Variants in XKR6 observed in about 807,000 individuals in gnomAD.
XKR6 encodes XK-related protein 6.
XKR6 carries 22 observed loss-of-function variants against 56.7 expected under a neutral mutation model. That is an observed-to-expected ratio of 0.39 (90% CI 0.28 to 0.55). The LOEUF (loss-of-function observed/expected upper bound fraction) is 0.55. Ranked by LOEUF, XKR6 falls within the 20% of genes least tolerant of loss-of-function variation. The pLI, the probability that XKR6 is intolerant of heterozygous loss-of-function variation, is 0.66. For synonymous variants in XKR6, 524 were observed against 387.8 expected, an observed-to-expected ratio of 1.35 and a Z score of -4.13; for missense variants, 852 against 889.0, an observed-to-expected ratio of 0.96 and a Z score of 0.53.
At chr8:10,907,417 C>T (rs2129108917) in intron 2 of XKR6, among the ~76,000 whole-genome samples, 1 of 152,316 alleles carries the variant, frequency 6.6e-6, no homozygotes, top group South Asian at 2.1e-4. Flanking sequence ...GATATCTTCC[C>T]TCTACTGAAC....
chr8:11,172,760 G>T (rs903004207), intron 1 of XKR6, among the ~76,000 whole-genome samples: 1 of 152,044 alleles, frequency 6.6e-6, no homozygotes, highest in Non-Finnish European at 1.5e-5. Context: ...GTTTTCTCCA[G>T]ATATGTCTGC....
rs113216069 is a variant in XKR6 at position 10,897,973 on chromosome 8, T to C, written c.1905A>G (p.Leu635=). ...GCTCTTAGAGTGAAGACTCATACTGTAGCAACTCATAGAGGAGTGGTCCGT... is the reference window on the plus strand; with the variant it reads ...GCTCTTAGAGTGAAGACTCATACTGCAGCAACTCATAGAGGAGTGGTCCGT... The part of the protein sequence containing the change: ...YRDGPLLYEL[L]QYESSL The change falls in exon 3 of 3, where the codon CTA becomes CTG. Residue 635 remains leucine, a synonymous_variant. Coordinates refer to ENST00000416569, the MANE Select transcript of XKR6 (RefSeq NM_173683.4). 2.4e-5 allele frequency: 39 copies of C among 1,594,230 alleles called. No homozygotes were observed. The African/African-American group carries it at 2.6e-4, about 11-fold the overall frequency.
rs575648763 is a variant in XKR6, at chr8:10,995,667, G to A, written c.765-70837C>T. Among the ~76,000 whole-genome samples, 4 of 142,854 alleles carry A rather than the reference G, an allele frequency of 2.8e-5. No homozygotes were observed. The South Asian group carries it at 6.7e-4, about 24-fold the overall frequency. The allele number at this position is 142,854 out of a possible 152,430, so 93.7% of individuals were successfully genotyped here. On this transcript the variant is annotated intron_variant, in intron 1 of 2. Coordinates refer to ENST00000416569, the MANE Select transcript of XKR6 (RefSeq NM_173683.4). ...CATGCCACTGCACTCCAGTCTGGGT[G>A]ACAGAGTGAGACCCTATCTCCCCAC...
At chr8:11,018,316 A>G (rs915528360) in intron 1 of XKR6, among the ~76,000 whole-genome samples, 7 of 152,192 alleles carry the variant, frequency 4.6e-5, no homozygotes, top group African/African-American at 1.7e-4. Context: ...TGGAGGTCTA[A>G]ATTGCTCCTG....
chr8:11,193,919 T>A (rs1366101458), intron 1 of XKR6, among the ~76,000 whole-genome samples: 1 of 152,146 alleles, frequency 6.6e-6, no homozygotes, highest in Non-Finnish European at 1.5e-5. Context: ...AATTGCAAAT[T>A]CACAAAATTA....
chr8:10,963,697 A>T (rs1405952398), intron 1 of XKR6, among the ~76,000 whole-genome samples: 2 of 151,688 alleles, frequency 1.3e-5, no homozygotes, highest in African/African-American at 4.8e-5. Flanking sequence ...GGTAAATGCC[A>T]TCATGCCTGG....
chr8:11,177,893 C>T (rs1227600126), intron 1 of XKR6, among the ~76,000 whole-genome samples: 1 of 152,184 alleles, frequency 6.6e-6, no homozygotes, highest in Non-Finnish European at 1.5e-5. Context: ...ATGGTAGTCC[C>T]AGGAGAAAAC....
chr8:11,166,444 C>T (rs1178490136), intron 1 of XKR6, among the ~76,000 whole-genome samples: 1 of 152,142 alleles, frequency 6.6e-6, no homozygotes, highest in Non-Finnish European at 1.5e-5. Flanking sequence ...AGGGCCGTTG[C>T]TTATAGACAA....
At chr8:11,057,566 T>C (rs1043741946) in intron 1 of XKR6, among the ~76,000 whole-genome samples, 4 of 152,214 alleles carry the variant, frequency 2.6e-5, no homozygotes, top group South Asian at 2.1e-4. Flanking sequence ...ATGTGAGGCA[T>C]TCCCATGAGT....
At chr8:11,061,405 T>C (rs1365005268) in intron 1 of XKR6, among the ~76,000 whole-genome samples, 2 of 151,628 alleles carry the variant, frequency 1.3e-5, no homozygotes, top group Non-Finnish European at 2.9e-5. Context: ...AGGCTGAGGA[T>C]GCAGTGAGTT....
chr8:11,016,515 C>G (rs1349476815), intron 1 of XKR6, among the ~76,000 whole-genome samples: 1 of 152,218 alleles, frequency 6.6e-6, no homozygotes. Flanking sequence ...GCGCCTTCGC[C>G]CACGCCTTCC....
chr8:11,001,230 A>C (rs1388782141), intron 1 of XKR6, among the ~76,000 whole-genome samples: 1 of 152,234 alleles, frequency 6.6e-6, no homozygotes, highest in Non-Finnish European at 1.5e-5. Flanking sequence ...ATGGAGAAAC[A>C]GAGGCTCAGA....
At chr8:11,031,262 G>C (rs1361307756) in intron 1 of XKR6, among the ~76,000 whole-genome samples, 1 of 152,248 alleles carries the variant, frequency 6.6e-6, no homozygotes, top group Non-Finnish European at 1.5e-5. Flanking sequence ...GAGAGCATGA[G>C]GGATATTTTA....
chr8:11,097,275 C>G (rs117216896), intron 1 of XKR6, among the ~76,000 whole-genome samples: 3 of 152,106 alleles, frequency 2.0e-5, no homozygotes, highest in African/African-American at 7.2e-5. Flanking sequence ...ATGTCATTTT[C>G]GTCACACCCT....
intron 1 of XKR6, among the ~76,000 whole-genome samples, chr8:11,110,337 TAAAAC>T (rs1798841743): frequency 1.3e-5 from 2 of 152,154 alleles, no homozygotes; most frequent in South Asian, 2.1e-4. Flanking sequence ...CAATTTCTCT[TAAAAC>T]AAGCAAAGCA....
chr8:11,076,385 A>G (rs1486127453), intron 1 of XKR6, among the ~76,000 whole-genome samples: 1 of 152,126 alleles, frequency 6.6e-6, no homozygotes, highest in African/African-American at 2.4e-5. Context: ...TATATTATGC[A>G]TATTTTACCA....
At chr8:11,014,588 C>G (rs1028548530) in intron 1 of XKR6, among the ~76,000 whole-genome samples, 12 of 152,134 alleles carry the variant, frequency 7.9e-5, no homozygotes, top group Non-Finnish European at 1.8e-4. Context: ...CAGGTTTAGT[C>G]TCAGCTCAAA....
intron 1 of XKR6, among the ~76,000 whole-genome samples, chr8:10,956,670 A>AGCGGAT (rs147026217): frequency 0.18 from 26,666 of 152,064 alleles, 3,096 homozygotes; most frequent in African/African-American, 0.33. Flanking sequence ...TTAGGAGAAC[A>AGCGGAT]GCGGATGTCA....
chr8:11,128,288 C>A (rs1348455929), intron 1 of XKR6, among the ~76,000 whole-genome samples: 1 of 152,166 alleles, frequency 6.6e-6, no homozygotes, highest in East Asian at 1.9e-4. Context: ...CCCAGTGCAT[C>A]CAGGCTCAGT....
Sources: allele counts gnomAD v4.1 joint callset (sites outside exome capture counted in the v4.1 genomes callset), GRCh38; gene constraint gnomAD v4.1.1; transcripts MANE v1.5; gene names NCBI Gene and HGNC (gene_info 2026-07-23, HGNC 2026-07-21).